The following CORIN variants were observed in gnomAD, a reference collection of about 807,000 sequenced individuals.
CORIN encodes corin, serine peptidase.
A neutral mutation model predicts 125.3 loss-of-function variants in CORIN; 117 were observed. The observed-to-expected ratio is 0.93, with a 90% CI of 0.80 to 1.09. The LOEUF (loss-of-function observed/expected upper bound fraction) is 1.09. Among genes scored for constraint, CORIN ranks in the 50% least tolerant of loss-of-function variants. The pLI, the probability that CORIN is intolerant of heterozygous loss-of-function variation, is 0.00. For synonymous variants in CORIN, 450 were observed against 466.4 expected (o/e 0.96, Z 0.45); for missense variants, 1,253 against 1,306.7 (o/e 0.96, Z 0.63).
chr4:47,658,414 G>A (rs1724088867), intron 12 of CORIN, among the ~76,000 whole-genome samples: 1 of 152,242 alleles, frequency 6.6e-6, no homozygotes, highest in Non-Finnish European at 1.5e-5. Flanking sequence ...GGCAAAGGGT[G>A]CAAGCTGCCA....
chr4:47,762,369 T>C (rs1729507698), intron 4 of CORIN, among the ~76,000 whole-genome samples: 1 of 152,226 alleles, frequency 6.6e-6, no homozygotes, highest in Non-Finnish European at 1.5e-5. Flanking sequence ...ATTACTATTC[T>C]AAAACTTTGT....
At chr4:47,743,995 G>T (rs1728538798) in intron 5 of CORIN, among the ~76,000 whole-genome samples, 1 of 152,052 alleles carries the variant, frequency 6.6e-6, no homozygotes. Context: ...AATATATTTT[G>T]GTTCAATCAT....
At chr4:47,780,665 C>G (rs929054360) in intron 3 of CORIN, among the ~76,000 whole-genome samples, 1 of 151,958 alleles carries the variant, frequency 6.6e-6, no homozygotes, top group African/African-American at 2.4e-5. Context: ...ATCTGTCTCC[C>G]CACCTAGACA....
At chr4:47,596,088 A>G (rs1721237448) in intron 21 of CORIN, among the ~76,000 whole-genome samples, 185 bp from the exon 22 acceptor site, 1 of 152,196 alleles carries the variant, frequency 6.6e-6, no homozygotes, top group Non-Finnish European at 1.5e-5. Flanking sequence ...TTTCAAATAA[A>G]CATCTTAAAC....
Position 47,699,678 on chromosome 4 carries a change from T to C in CORIN, c.800-6595A>G, listed in dbSNP as rs551954979. 1.9e-4 allele frequency among the ~76,000 whole-genome samples: 29 copies of C among 152,348 alleles called. No homozygotes were observed. In the East Asian group the frequency reaches 5.2e-3, roughly 27 times the overall value. On this transcript the variant is annotated intron_variant, in intron 5 of 21. Coordinates refer to ENST00000273857, the MANE Select transcript of CORIN (RefSeq NM_006587.4). ...ATGAATAAATGATCGTTCCTATTTA[T>C]TGGCTCTCAATGGCAATGAATATCT...
At chr4:47,774,503 T>C (rs986194734) in intron 3 of CORIN, among the ~76,000 whole-genome samples, 1 of 152,178 alleles carries the variant, frequency 6.6e-6, no homozygotes, top group Non-Finnish European at 1.5e-5. Context: ...AATAATAAAA[T>C]TATTATTTTT....
At chr4:47,794,735 C>T (rs909260038) in intron 2 of CORIN, among the ~76,000 whole-genome samples, 2 of 152,190 alleles carry the variant, frequency 1.3e-5, no homozygotes, top group East Asian at 3.9e-4. Context: ...TTATAGGACT[C>T]CCTGCCACAT....
intron 6 of CORIN, among the ~76,000 whole-genome samples, chr4:47,684,525 G>A (rs1465066179): frequency 6.6e-6 from 1 of 152,186 alleles, no homozygotes; most frequent in African/African-American, 2.4e-5. Context: ...TCTACTAGCT[G>A]TGGGACTTTT....
chr4:47,825,346 C>T (rs967679268), intron 1 of CORIN, among the ~76,000 whole-genome samples: 1 of 152,158 alleles, frequency 6.6e-6, no homozygotes, highest in Non-Finnish European at 1.5e-5. Context: ...CGGGCTTTCC[C>T]ACACCACACC....
chr4:47,696,256 A>ATGG (rs1166039688), intron 5 of CORIN, among the ~76,000 whole-genome samples: 2 of 152,284 alleles, frequency 1.3e-5, no homozygotes, highest in African/African-American at 4.8e-5. Context: ...GCCCCTTAGG[A>ATGG]TGACAAAGGG....
chr4:47,723,274 T>C (rs974858435), intron 5 of CORIN, among the ~76,000 whole-genome samples: 8 of 151,804 alleles, frequency 5.3e-5, no homozygotes, highest in African/African-American at 1.9e-4. Context: ...AGTCAGAGAG[T>C]TTCAGGGAGA....
chr4:47,758,670 T>A (rs771681061), intron 4 of CORIN, among the ~76,000 whole-genome samples: 1 of 152,234 alleles, frequency 6.6e-6, no homozygotes, highest in Non-Finnish European at 1.5e-5. Flanking sequence ...TAGGAAGTAC[T>A]CAGTGGAAGG....
At chr4:47,602,528 G>A (rs1239959489) in intron 20 of CORIN, among the ~76,000 whole-genome samples, 1 of 152,154 alleles carries the variant, frequency 6.6e-6, no homozygotes. Flanking sequence ...CATAGAATTG[G>A]AAATATGACC....
chr4:47,596,678 A>T (rs1447090348), intron 21 of CORIN, among the ~76,000 whole-genome samples: 1 of 152,230 alleles, frequency 6.6e-6, no homozygotes, highest in Non-Finnish European at 1.5e-5. Flanking sequence ...AGAAGAGCTG[A>T]TATCATGGAA....
At chr4:47,803,536 C>G (rs924323879) in intron 2 of CORIN, among the ~76,000 whole-genome samples, 2 of 152,066 alleles carry the variant, frequency 1.3e-5, no homozygotes, top group Non-Finnish European at 2.9e-5. Flanking sequence ...GAATAGAGAA[C>G]CCAGAAACAA....
intron 2 of CORIN, among the ~76,000 whole-genome samples, chr4:47,797,087 C>T (rs1731324964): frequency 1.3e-5 from 2 of 151,894 alleles, no homozygotes; most frequent in South Asian, 4.1e-4. Context: ...AACAGACACT[C>T]AATACATATT....
intron 2 of CORIN, among the ~76,000 whole-genome samples, chr4:47,796,568 CA>C (rs1178716232): frequency 6.6e-6 from 1 of 151,902 alleles, no homozygotes; most frequent in Non-Finnish European, 1.5e-5. Flanking sequence ...AGATCTTATG[CA>C]AAATGTTCTT....
intron 1 of CORIN, among the ~76,000 whole-genome samples, chr4:47,834,527 A>T (rs2109998346): frequency 6.6e-6 from 1 of 152,320 alleles, no homozygotes; most frequent in Non-Finnish European, 1.5e-5. Context: ...AATCTACTAC[A>T]CAGCATGGCT....
Position 47,595,517 on chromosome 4 carries a change from G to A in CORIN, c.*204C>T. 2.8e-6 allele frequency: 1 copy of A among 358,266 alleles called. No homozygotes were observed. Among genetic ancestry groups the A allele is most frequent in the Non-Finnish European group, 5.0e-6 (1 of 200,228 alleles). 22.2% of individuals were successfully genotyped at this position (358,266 alleles called of 1,614,324 possible). On this transcript the variant is annotated 3_prime_UTR_variant, in exon 22 of 22. Transcript: ENST00000273857. The stretch of plus-strand genomic sequence containing the variant: ...GTTTGCTTTTGTAAAGTCTTTCATT[G>A]AACTTGAAATAAGAGAAAAATGAAG...
Sources: gnomAD v4.1 joint callset for allele counts (sites outside exome capture counted in the v4.1 genomes callset) on GRCh38, gnomAD v4.1.1 for gene constraint, MANE v1.5 for transcripts, NCBI Gene and HGNC (gene_info 2026-07-23, HGNC 2026-07-21) for gene names.